Variants in GSK3A observed in about 807,000 individuals in gnomAD.
GSK3A encodes the protein glycogen synthase kinase-3 alpha.
GSK3A carries 14 observed loss-of-function variants against 56.6 expected under a neutral mutation model. The ratio of observed to expected loss-of-function variants is 0.25; its 90% CI spans 0.16 to 0.39. The LOEUF (loss-of-function observed/expected upper bound fraction) is 0.39, where lower values mean the gene tolerates loss of function less well. Ranked by LOEUF, GSK3A falls within the 10% of genes least tolerant of loss-of-function variation. The pLI is 1.00. For missense variants in GSK3A, 450 were observed against 656.0 expected (o/e 0.69, Z 3.43); for synonymous variants, 301 against 285.0 (o/e 1.06, Z -0.56).
intron 2 of GSK3A, 110 bp from the exon 3 acceptor site, chr19:42,237,051 C>T (rs773419291): frequency 6.2e-5 from 48 of 771,142 alleles, no homozygotes; most frequent in Non-Finnish European, 9.8e-5. Context: ...TGTCCCAGCT[C>T]CAAGGTCCCC....
Position 42,233,104 on chromosome 19 carries a change from C to A in GSK3A, c.1098+6G>T. On this transcript the variant is annotated splice_donor_region_variant and intron_variant, in intron 8 of 10. Transcript: ENST00000222330. ...ATACTGCCCTGAGCCCCTAGCCCTG[C>A]CCCACCTTTGTCCAGGGGTGAGCTT... 1 of 1,565,356 alleles carries A rather than the reference C, an allele frequency of 6.4e-7. No homozygotes were observed. Among genetic ancestry groups the A allele is most frequent in the Non-Finnish European group, 8.7e-7 (1 of 1,149,868 alleles).
rs2036242764 is a variant in GSK3A at position 42,234,288 on chromosome 19, G to A, written c.904+65C>T. ...CTTTCATCACCAAGCTTGGCATACA[G>A]CACACAGAAAACTCCAAAACTTCCC... On this transcript the variant is annotated intron_variant, in intron 6 of 10. Transcript: ENST00000222330. The surrounding 1 kb of genome is among the most constrained non-coding windows in gnomAD (Gnocchi z 5.7). 4 of 1,132,932 alleles carry A rather than the reference G, an allele frequency of 3.5e-6. No individual in the cohort carries two copies. Among genetic ancestry groups the A allele is most frequent in the Non-Finnish European group, 5.4e-6 (4 of 741,468 alleles). 70.2% of individuals were successfully genotyped at this position (1,132,932 alleles called of 1,614,324 possible). A position where few individuals can be genotyped will look rare whatever the true frequency, so the allele number is the denominator to read the frequency against.
chr19:42,233,924 C>G (rs1029114534), intron 6 of GSK3A, among the ~76,000 whole-genome samples: 1 of 152,154 alleles, frequency 6.6e-6, no homozygotes, highest in Admixed American at 6.5e-5. Flanking sequence ...TCAGACTTCC[C>G]CTCATGCCTG....
In GSK3A at chr19:42,233,159, T is replaced by C. The variant is rs1160899097; in HGVS notation, c.1049A>G (p.Asn350Ser). 2 of 1,609,622 alleles carry C rather than the reference T, an allele frequency of 1.2e-6. No individual in the cohort carries two copies. The highest frequency in any genetic ancestry group is 1.7e-6 in the Non-Finnish European group (2 of 1,177,652). Residue 350 changes from asparagine (N) to serine (S), a missense_variant, in exon 8 of 11, where the codon AAC becomes AGC. Asn to Ser is a conservative substitution (Grantham distance 46). Coordinates refer to ENST00000222330, the MANE Select transcript of GSK3A (RefSeq NM_019884.3). ...TREQIREMNPNYTEFKFPQIK... is the reference protein window; with the variant it reads ...TREQIREMNPSYTEFKFPQIK... ...CTGAGGGAACTTGAACTCCGTGTAGTTGGGGTTCATCTCTCGGATTTGTTC... is the reference window on the plus strand; with the variant it reads ...CTGAGGGAACTTGAACTCCGTGTAGCTGGGGTTCATCTCTCGGATTTGTTC...
rs2036299713 is a variant in GSK3A, at chr19:42,242,421, G to A, written c.45C>T (p.Gly15=). 1.5e-6 allele frequency: 2 copies of A among 1,348,960 alleles called. No individual in the cohort carries two copies. The highest frequency in any genetic ancestry group is 9.5e-7 in the Non-Finnish European group (1 of 1,049,874). 83.6% of individuals were successfully genotyped at this position (1,348,960 alleles called of 1,614,324 possible). ...CCGCGAACGAGCTAGTCCGCGCCCT[G>A]CCCGAGCCCCCAGGGCCGCCTCCCG... ...GPSGGGPGGS[G]RARTSSFAEP... The change falls in exon 1 of 11, where the codon GGC becomes GGT. Residue 15 remains glycine, a synonymous_variant. Transcript: ENST00000222330.
chr19:42,230,388 TTTTC>T lies in GSK3A; in HGVS notation c.*402_*405del, dbSNP rs979214284. 2 of 192,946 alleles carry T rather than the reference TTTTC, an allele frequency of 1.0e-5. No individual in the cohort carries two copies. Among genetic ancestry groups the T allele is most frequent in the African/African-American group, 4.7e-5 (2 of 42,790 alleles). The allele number at this position is 192,946 out of a possible 1,614,324, so 12.0% of individuals were successfully genotyped here. A position where few individuals can be genotyped will look rare whatever the true frequency, so the allele number is the denominator to read the frequency against. Reference sequence around the variant, plus strand: ...CCAGGTTGGACGGTGCGAATCGACGTTTTCTTTAAGAAAAAAATTATAACAATCT... The same window carrying T: ...CCAGGTTGGACGGTGCGAATCGACGTTTTAAGAAAAAAATTATAACAATCT... On this transcript the variant is annotated 3_prime_UTR_variant, in exon 11 of 11. Transcript: ENST00000222330.
chr19:42,235,868 G>A (rs1369758178), intron 4 of GSK3A, among the ~76,000 whole-genome samples: 1 of 152,174 alleles, frequency 6.6e-6, no homozygotes, highest in Non-Finnish European at 1.5e-5. Flanking sequence ...CCAAACCAGA[G>A]AGCTCCCCTC....
At chr19:42,235,203 C>G (rs1288732327) in intron 4 of GSK3A, among the ~76,000 whole-genome samples, 1 of 152,172 alleles carries the variant, frequency 6.6e-6, no homozygotes, top group Admixed American at 6.5e-5. Context: ...GCATTTGCAA[C>G]AAGCTCTCCA....
chr19:42,238,089 C>T (rs2146938929), intron 2 of GSK3A, among the ~76,000 whole-genome samples: 2 of 152,094 alleles, frequency 1.3e-5, no homozygotes, highest in East Asian at 3.9e-4. Context: ...TGGTGGCTCA[C>T]CCCTGTAATC....
intron 8 of GSK3A, 153 bp from the exon 9 acceptor site, chr19:42,232,835 G>T (rs2036233054): frequency 1.5e-6 from 1 of 654,576 alleles, no homozygotes; most frequent in East Asian, 2.9e-5. Context: ...CAACCACTAA[G>T]GAGAGGTCAG....
chr19:42,232,971 C>T (rs562080255), intron 8 of GSK3A, 139 bp downstream of exon 8: 31 of 665,380 alleles, frequency 4.7e-5, no homozygotes, highest in African/African-American at 4.0e-4. Flanking sequence ...ACTTTGAAAG[C>T]GGATGGATGT....
rs771569073 is a variant in GSK3A at position 42,240,168 on chromosome 19, C to A, written c.284-26G>T. ...CTGGGGAACAAAGGGGATACACGATCCACTGACCCATCCTGCCTGCGCATC... is the reference window on the plus strand; with the variant it reads ...CTGGGGAACAAAGGGGATACACGATACACTGACCCATCCTGCCTGCGCATC... On this transcript the variant is annotated intron_variant, in intron 1 of 10. Coordinates refer to ENST00000222330, the MANE Select transcript of GSK3A (RefSeq NM_019884.3). 7 of 1,604,240 alleles carry A rather than the reference C, an allele frequency of 4.4e-6. No individual in the cohort carries two copies. In the Admixed American group the frequency reaches 8.3e-5, roughly 19 times the overall value.
rs2036284208 is a variant in GSK3A, at chr19:42,240,361, G to A, written c.284-219C>T. ...AAGTCCTGCTCCCCTCCACATAGGA[G>A]GATATTGATACCTAAATCTCTCTGC... On this transcript the variant is annotated intron_variant, in intron 1 of 10. Coordinates refer to ENST00000222330, the MANE Select transcript of GSK3A (RefSeq NM_019884.3). The A allele has an allele frequency of 1.0e-5, 6 of 595,852 alleles. No homozygotes were observed. In the South Asian group the frequency reaches 1.2e-4, roughly 12 times the overall value. The allele number at this position is 595,852 out of a possible 1,614,324, so 36.9% of individuals were successfully genotyped here.
At chr19:42,231,681 G>A (rs1214217564) in intron 10 of GSK3A, among the ~76,000 whole-genome samples, 1 of 151,492 alleles carries the variant, frequency 6.6e-6, no homozygotes, top group Non-Finnish European at 1.5e-5. Context: ...GCTGAGGCAG[G>A]AGAATTGCCT....
intron 1 of GSK3A, chr19:42,240,576 T>A: frequency 3.7e-6 from 1 of 266,732 alleles, no homozygotes; most frequent in South Asian, 7.1e-5. Context: ...GTACTCCTAC[T>A]TTAGGAAAGC....
In GSK3A at chr19:42,234,266, T is replaced by C. The variant is rs2036242707; in HGVS notation, c.904+87A>G. 5.4e-6 allele frequency: 5 copies of C among 919,610 alleles called. No homozygotes were observed. Among genetic ancestry groups the C allele is most frequent in the Non-Finnish European group, 9.1e-6 (5 of 551,268 alleles). The allele number at this position is 919,610 out of a possible 1,614,324, so 57.0% of individuals were successfully genotyped here. On this transcript the variant is annotated intron_variant, in intron 6 of 10. Transcript: ENST00000222330. The surrounding 1 kb of genome is among the most constrained non-coding windows in gnomAD (Gnocchi z 5.7). ...GGATACAAGAACAGAAGTTAAGCTT[T>C]CATCACCAAGCTTGGCATACAGCAC...
chr19:42,241,540 T>G (rs1211655245), intron 1 of GSK3A: 2 of 152,216 alleles, frequency 1.3e-5, no homozygotes, highest in South Asian at 2.1e-4. Context: ...ATATGCTGAC[T>G]CCCAATGTCT....
Position 42,234,329 on chromosome 19 carries a change from C to A in GSK3A, c.904+24G>T, listed in dbSNP as rs772126918. On this transcript the variant is annotated intron_variant, in intron 6 of 10. Coordinates refer to ENST00000222330, the MANE Select transcript of GSK3A (RefSeq NM_019884.3). This position sits in a 1 kb window ranked among gnomAD's most constrained non-coding sequence, Gnocchi z 5.7. Reference sequence around the variant, plus strand: ...AAAACTTCCCAGATTGCCACTCCCCCCGCCACCCTCCCATAACTCTGACCG... The same window carrying A: ...AAAACTTCCCAGATTGCCACTCCCCACGCCACCCTCCCATAACTCTGACCG... 1.3e-6 allele frequency: 2 copies of A among 1,576,422 alleles called. No individual in the cohort carries two copies. The highest frequency in any genetic ancestry group is 1.7e-6 in the Non-Finnish European group (2 of 1,145,894).
chr19:42,240,429 C>G (rs1462500439), intron 1 of GSK3A: 6 of 579,756 alleles, frequency 1.0e-5, no homozygotes, highest in African/African-American at 1.9e-5. Flanking sequence ...TAGGAAGCAA[C>G]AGATCACTGG....
Sources: allele counts gnomAD v4.1 joint callset (sites outside exome capture counted in the v4.1 genomes callset), GRCh38; gene constraint gnomAD v4.1.1; non-coding constraint Gnocchi (gnomAD v3.1); transcripts MANE v1.5; gene names NCBI Gene and HGNC (gene_info 2026-07-23, HGNC 2026-07-21).